NINJ2: variants seen among roughly 807,000 people sequenced by gnomAD.
NINJ2 encodes the protein ninjurin-2.
A neutral mutation model predicts 11.7 loss-of-function variants in NINJ2; 12 were observed. That is an observed-to-expected ratio of 1.02 (90% CI 0.66 to 1.66). The LOEUF (loss-of-function observed/expected upper bound fraction) is 1.66. Among genes scored for constraint, NINJ2 ranks in the 40% most tolerant of loss-of-function variants. NINJ2 has a pLI of 0.00. For synonymous variants in NINJ2, 93 were observed against 76.8 expected (o/e 1.21, Z -1.10); for missense variants, 187 against 181.8 (o/e 1.03, Z -0.16).
chr12:601,736 G>A (rs984361234), intron 1 of NINJ2, among the ~76,000 whole-genome samples: 2 of 151,412 alleles, frequency 1.3e-5, no homozygotes, highest in African/African-American at 2.4e-5. Flanking sequence ...TGTGGTGGCG[G>A]GTGCCTGTAA....
chr12:577,503 C>T (rs940793224), intron 1 of NINJ2, among the ~76,000 whole-genome samples: 16 of 142,966 alleles, frequency 1.1e-4, no homozygotes, highest in Middle Eastern at 3.5e-3. Flanking sequence ...AAGCAATTCT[C>T]CTGCCTCAGC....
intron 1 of NINJ2, among the ~76,000 whole-genome samples, chr12:576,093 C>A (rs910780669): frequency 1.3e-5 from 2 of 152,202 alleles, no homozygotes; most frequent in Admixed American, 1.3e-4. Flanking sequence ...GGTGGGGTTT[C>A]TTTTGCGTGT....
intron 1 of NINJ2, among the ~76,000 whole-genome samples, chr12:602,017 A>G (rs1947880784): frequency 6.6e-6 from 1 of 152,228 alleles, no homozygotes; most frequent in Non-Finnish European, 1.5e-5. Context: ...CAATCCCTTA[A>G]TTAAATAACT....
chr12:603,849 CG>C (rs1411556305), intron 1 of NINJ2, among the ~76,000 whole-genome samples: 4 of 152,062 alleles, frequency 2.6e-5, no homozygotes, highest in Middle Eastern at 3.4e-3. Context: ...TTAATAGAGA[CG>C]GGGTTTTGCC....
At chr12:645,177 T>G (rs572945027) in intron 1 of NINJ2, 12 of 152,314 alleles carry the variant, frequency 7.9e-5, no homozygotes, top group African/African-American at 2.9e-4. Context: ...GGCAAATCCT[T>G]GAAGGCAAAT....
At chr12:598,458 G>C (rs1947819728) in intron 1 of NINJ2, among the ~76,000 whole-genome samples, 1 of 152,188 alleles carries the variant, frequency 6.6e-6, no homozygotes, top group African/African-American at 2.4e-5. Flanking sequence ...CTATGTCTAA[G>C]GTGTGAGTGC....
chr12:586,909 G>A (rs1352007977), intron 1 of NINJ2, among the ~76,000 whole-genome samples: 1 of 152,166 alleles, frequency 6.6e-6, no homozygotes, highest in African/African-American at 2.4e-5. Context: ...ACTGGGCTCT[G>A]GTATTGTGGA....
intron 1 of NINJ2, among the ~76,000 whole-genome samples, chr12:599,316 G>A (rs913206156): frequency 1.2e-4 from 19 of 152,230 alleles, no homozygotes; most frequent in Non-Finnish European, 2.4e-4. Flanking sequence ...CGCGGGAGGC[G>A]GAGGTTGCAG....
chr12:577,416 C>CATATAT lies in NINJ2; in HGVS notation c.34-11244_34-11239dup, dbSNP rs536829310. Among the ~76,000 whole-genome samples, 1,153 of 121,242 alleles carry CATATAT rather than the reference C, an allele frequency of 9.5e-3. 41 individuals are homozygous for CATATAT. The highest frequency in any genetic ancestry group is 0.016 in the African/African-American group (523 of 32,040). The allele number at this position is 121,242 out of a possible 152,430, so 79.5% of individuals were successfully genotyped here. On this transcript the variant is annotated intron_variant, in intron 1 of 3. Transcript: ENST00000305108. ...ATAAGTTGAGAAGCAACACTAGTCT[C>CATATAT]ATATATATATATACATATATATATA...
chr12:658,696 C>G (rs1937909609), intron 1 of NINJ2, among the ~76,000 whole-genome samples: 1 of 150,964 alleles, frequency 6.6e-6, no homozygotes, highest in Non-Finnish European at 1.5e-5. Context: ...CTATGCTATG[C>G]TATGCTATGC....
intron 1 of NINJ2, among the ~76,000 whole-genome samples, chr12:599,970 C>A (rs1947846017): frequency 6.6e-6 from 1 of 152,206 alleles, no homozygotes; most frequent in Non-Finnish European, 1.5e-5. Context: ...TGCCCAGCTG[C>A]CAGGGCCCCG....
At chr12:570,642 G>T (rs979931740) in intron 1 of NINJ2, among the ~76,000 whole-genome samples, 3 of 152,138 alleles carry the variant, frequency 2.0e-5, no homozygotes, top group African/African-American at 4.8e-5. Context: ...CGTTTCGCCG[G>T]ACTCTTCGCC....
chr12:626,197 C>G (rs968665350), intron 1 of NINJ2, among the ~76,000 whole-genome samples: 4 of 152,248 alleles, frequency 2.6e-5, no homozygotes, highest in Admixed American at 2.6e-4. Flanking sequence ...AAGCATTAAT[C>G]TGAAGTCACT....
chr12:624,740 T>C (rs1041325304), intron 1 of NINJ2, among the ~76,000 whole-genome samples: 1 of 146,536 alleles, frequency 6.8e-6, no homozygotes, highest in African/African-American at 2.5e-5. Context: ...ACCCAGGAGA[T>C]GGAGGTTGCA....
At chr12:577,448 T>TACATATATATATGTGTATATA in intron 1 of NINJ2, among the ~76,000 whole-genome samples, 1 of 141,944 alleles carries the variant, frequency 7.0e-6, no homozygotes, top group African/African-American at 2.6e-5. Context: ...TATATAAATA[T>TACATATATATATGTGTATATA]TTTGGCACGA....
chr12:567,568 A>G (rs1393814556), intron 1 of NINJ2, among the ~76,000 whole-genome samples: 1 of 152,132 alleles, frequency 6.6e-6, no homozygotes, highest in Admixed American at 6.6e-5. Context: ...AGGGTCTGGA[A>G]TGTTCCTTGT....
At chr12:635,281 C>T (rs1445814694) in intron 1 of NINJ2, among the ~76,000 whole-genome samples, 2 of 152,136 alleles carry the variant, frequency 1.3e-5, no homozygotes, top group African/African-American at 4.8e-5. Flanking sequence ...GAACTCCTGA[C>T]CTCAGGTGAT....
At chr12:622,171 C>T (rs1238556613) in intron 1 of NINJ2, among the ~76,000 whole-genome samples, 1 of 148,166 alleles carries the variant, frequency 6.7e-6, no homozygotes, top group African/African-American at 2.5e-5. Context: ...CCTGTAATCC[C>T]AGCACTCTGG....
intron 1 of NINJ2, among the ~76,000 whole-genome samples, chr12:617,396 T>C (rs761201068): frequency 8.5e-5 from 13 of 152,158 alleles, no homozygotes; most frequent in Non-Finnish European, 1.9e-4. Flanking sequence ...CTGAGAATCC[T>C]TCCTTCTAAT....
Sources: gnomAD v4.1 joint callset for allele counts (sites outside exome capture counted in the v4.1 genomes callset) on GRCh38, gnomAD v4.1.1 for gene constraint, MANE v1.5 for transcripts, NCBI Gene and HGNC (gene_info 2026-07-23, HGNC 2026-07-21) for gene names.